The following EHMT2 variants were observed in gnomAD, a reference collection of about 807,000 sequenced individuals.
EHMT2 encodes euchromatic histone lysine methyltransferase 2, also known as histone-lysine N-methyltransferase EHMT2.
EHMT2 carries 59 observed loss-of-function variants against 143.3 expected under a neutral mutation model. The observed-to-expected ratio is 0.41, with a 90% confidence interval of 0.33 to 0.51. The LOEUF is 0.51. Among genes scored for constraint, EHMT2 ranks in the 20% least tolerant of loss-of-function variants. The pLI, the probability that EHMT2 is intolerant of heterozygous loss-of-function variation, is 0.18. For missense variants in EHMT2, 1,174 were observed against 1,645.9 expected (o/e 0.71, Z 4.96); for synonymous variants, 604 against 651.5 (o/e 0.93, Z 1.11).
In EHMT2 at chr6:31,883,991, G is replaced by C. The variant is rs71563386; in HGVS notation, c.2772-41C>G. The C allele has an allele frequency of 0.011, 17,400 of 1,605,182 alleles. 175 individuals are homozygous for C. The highest frequency in any genetic ancestry group is 0.04 in the South Asian group (3,625 of 90,622). Reference sequence around the variant, plus strand: ...AGAAGGGGCTGGGAAGCTGGAAAAGGGGGTGAGGAGCTACTCCAGGTATAA... The same window carrying C: ...AGAAGGGGCTGGGAAGCTGGAAAAGCGGGTGAGGAGCTACTCCAGGTATAA... On this transcript the variant is annotated intron_variant, in intron 21 of 27. Coordinates refer to ENST00000375537, the Ensembl canonical transcript of EHMT2. This position sits in a 1 kb window ranked among gnomAD's most constrained non-coding sequence, Gnocchi z 5.6.
In EHMT2 at chr6:31,884,080, A is replaced by C. The variant is rs952719785; in HGVS notation, c.2772-130T>G. On this transcript the variant is annotated intron_variant, in intron 21 of 27. Coordinates refer to ENST00000375537, the Ensembl canonical transcript of EHMT2. The surrounding 1 kb of genome is among the most constrained non-coding windows in gnomAD (Gnocchi z 7.3). ...GGAGTAAGGTTGCCAGGTAAGATGC[A>C]GGACAGCGAGTTAACATAGAATTTT... The C allele has an allele frequency of 6.9e-6, 7 of 1,015,242 alleles. No homozygotes were observed. The highest frequency in any genetic ancestry group is 9.8e-6 in the Non-Finnish European group (7 of 711,850). 62.9% of individuals were successfully genotyped at this position (1,015,242 alleles called of 1,614,324 possible).
chr6:31,894,109 G>A (rs1004916264), intron 4 of EHMT2, among the ~76,000 whole-genome samples: 1 of 151,448 alleles, frequency 6.6e-6, no homozygotes, highest in Non-Finnish European at 1.5e-5. Flanking sequence ...TGAGTAGCTG[G>A]AACTACAGGC....
rs373643981 is a variant in EHMT2 at position 31,883,783 on chromosome 6, G to A, written c.2916+23C>T. On this transcript the variant is annotated intron_variant, in intron 22 of 27. Transcript: ENST00000375537. The surrounding 1 kb of genome is among the most constrained non-coding windows in gnomAD (Gnocchi z 5.6). ...TGGCAGCTCTCGGTGTCCTTTTGGG[G>A]AGGCCCCGGGCCCCCTACTCACCTG... 5.0e-6 allele frequency: 8 copies of A among 1,610,202 alleles called. No individual in the cohort carries two copies. The African/African-American group carries it at 6.7e-5, about 13-fold the overall frequency.
intron 7 of EHMT2, among the ~76,000 whole-genome samples, chr6:31,890,973 G>A (rs903313638): frequency 9.3e-5 from 14 of 150,540 alleles, no homozygotes; most frequent in Admixed American, 3.3e-4. Context: ...ACGGAGTTTC[G>A]CTCTTGTTGC....
intron 1 of EHMT2, 26 bp from the exon 2 acceptor site, chr6:31,897,015 G>GGGCT: frequency 6.5e-7 from 1 of 1,548,006 alleles, no homozygotes; most frequent in Non-Finnish European, 8.7e-7. Context: ...AGGGACAGGA[G>GGGCT]GGCTGGTCAG....
In EHMT2 at chr6:31,883,820, T is replaced by C. The variant is rs755705706; in HGVS notation, c.2902A>G (p.Ile968Val). 1 of 1,613,920 alleles carries C rather than the reference T, an allele frequency of 6.2e-7. No individual in the cohort carries two copies. Among genetic ancestry groups the C allele is most frequent in the Non-Finnish European group, 8.5e-7 (1 of 1,179,932 alleles). The change falls in exon 22 of 28, where the codon ATC (isoleucine) becomes GTC (valine). Residue 968 changes from isoleucine (I) to valine (V), a missense_variant. Coordinates refer to ENST00000375537, the Ensembl canonical transcript of EHMT2. This position sits in a 1 kb window ranked among gnomAD's most constrained non-coding sequence, Gnocchi z 5.6. ...CCCCTACTCACCTGCAGGTGGGTGA[T>C]GTTGCGATCGATGTTCATGGTGGAC...
At chr6:31,887,365 G>A (rs903510093) in intron 15 of EHMT2, among the ~76,000 whole-genome samples, 1 of 152,192 alleles carries the variant, frequency 6.6e-6, no homozygotes, top group African/African-American at 2.4e-5. Context: ...TGCAAGCCAA[G>A]GCTAACAGGT....
chr6:31,889,609 G>T lies in EHMT2; in HGVS notation c.865-7C>A. ...TTAGAGCTTCAACTTCAGACTGGGA[G>T]AGAGGCAGAACAGACATATCCAACC... is the stretch of plus-strand genomic sequence containing the variant. On this transcript the variant is annotated splice_polypyrimidine_tract_variant and splice_region_variant and intron_variant, in intron 7 of 27. Transcript: ENST00000375537. This position sits in a 1 kb window ranked among gnomAD's most constrained non-coding sequence, Gnocchi z 5.1. The T allele has an allele frequency of 6.2e-7, 1 of 1,609,664 alleles. No homozygotes were observed. The highest frequency in any genetic ancestry group is 8.5e-7 in the Non-Finnish European group (1 of 1,179,976).
At position 31,883,632 on chromosome 6, in the gene EHMT2, C is replaced by A; in HGVS notation, c.2916+174G>T. 1 of 1,085,298 alleles carries A rather than the reference C, an allele frequency of 9.2e-7. No homozygotes were observed. The highest frequency in any genetic ancestry group is 1.5e-5 in the South Asian group (1 of 68,622). 67.2% of individuals were successfully genotyped at this position (1,085,298 alleles called of 1,614,324 possible). A position where few individuals can be genotyped will look rare whatever the true frequency, so the allele number is the denominator to read the frequency against. ...AGGGCTACTGGGAGCTCATATGATA[C>A]CTTGCTGTGACCTAGGAAAAGGATC... On this transcript the variant is annotated intron_variant, in intron 22 of 27. Coordinates refer to ENST00000375537, the Ensembl canonical transcript of EHMT2. The surrounding 1 kb of genome is among the most constrained non-coding windows in gnomAD (Gnocchi z 5.6).
In EHMT2 at chr6:31,880,610, G is replaced by C; in HGVS notation, c.3452+63C>G. Reference sequence around the variant, plus strand: ...GACACCAGGTACATGCCAGCCTTCAGGTCCCAGGTTTGCTGCATCTCCCAC... The same window carrying C: ...GACACCAGGTACATGCCAGCCTTCACGTCCCAGGTTTGCTGCATCTCCCAC... On this transcript the variant is annotated intron_variant, in intron 27 of 27. Coordinates refer to ENST00000375537, the Ensembl canonical transcript of EHMT2. This position sits in a 1 kb window ranked among gnomAD's most constrained non-coding sequence, Gnocchi z 6.6. 1 of 1,560,634 alleles carries C rather than the reference G, an allele frequency of 6.4e-7. No individual in the cohort carries two copies. The highest frequency in any genetic ancestry group is 2.2e-5 in the East Asian group (1 of 44,516).
chr6:31,892,379 C>T (rs611572), intron 7 of EHMT2, 28 bp downstream of exon 7: 111,706 of 1,604,126 alleles, frequency 0.07, 4,770 homozygotes, highest in South Asian at 0.12. Flanking sequence ...GGAGCACCGG[C>T]GGGGAGGGCA....
In EHMT2 at chr6:31,896,527, G is replaced by A. The variant is rs659445; in HGVS notation, c.329-11C>T. ...ACTTTGTGGCATGGCCTAGAAAACA[G>A]GCAAGCAAAAGGCAAGATAAGAAAG... is the stretch of plus-strand genomic sequence containing the variant. On this transcript the variant is annotated splice_polypyrimidine_tract_variant and intron_variant, in intron 3 of 27. Transcript: ENST00000375537. 0.7 allele frequency: 1,124,306 copies of A among 1,611,146 alleles called. 400,966 individuals are homozygous for A. The highest frequency in any genetic ancestry group is 0.91 in the Middle Eastern group (5,481 of 6,052).
At position 31,884,581 on chromosome 6, in the gene EHMT2, C is replaced by T. The variant is rs541280495; in HGVS notation, c.2604-22G>A. On this transcript the variant is annotated intron_variant, in intron 20 of 27. Transcript: ENST00000375537. This position sits in a 1 kb window ranked among gnomAD's most constrained non-coding sequence, Gnocchi z 7.3. ...TAACCTGAAGAGGGGACAGGATGCC[C>T]AATGCAGGGTCTGAGGCTGCAAGAA... 9.3e-6 allele frequency: 15 copies of T among 1,611,446 alleles called. No homozygotes were observed. Among genetic ancestry groups the T allele is most frequent in the African/African-American group, 4.0e-5 (3 of 74,810 alleles).
chr6:31,883,790 C>T lies in EHMT2; in HGVS notation c.2916+16G>A, dbSNP rs776806996. 1.4e-5 allele frequency: 23 copies of T among 1,612,102 alleles called. No individual in the cohort carries two copies. The East Asian group carries it at 3.6e-4, about 25-fold the overall frequency. On this transcript the variant is annotated intron_variant, in intron 22 of 27. Transcript: ENST00000375537. The surrounding 1 kb of genome is among the most constrained non-coding windows in gnomAD (Gnocchi z 5.6). The stretch of plus-strand genomic sequence containing the variant: ...TCTCGGTGTCCTTTTGGGGAGGCCC[C>T]GGGCCCCCTACTCACCTGCAGGTGG...
rs1763894166 is a variant in EHMT2, at chr6:31,880,054, C to T, written c.*30G>A. The T allele has an allele frequency of 1.3e-6, 2 of 1,597,284 alleles. No homozygotes were observed. The highest frequency in any genetic ancestry group is 1.7e-6 in the Non-Finnish European group (2 of 1,168,966). On this transcript the variant is annotated 3_prime_UTR_variant, in exon 28 of 28. Coordinates refer to ENST00000375537, the Ensembl canonical transcript of EHMT2. This position sits in a 1 kb window ranked among gnomAD's most constrained non-coding sequence, Gnocchi z 6.6. ...AGGAGGCGGCTGAGCTGTGGCCATCCATGCTGGGGAGAGAGGGTGTGGTCC... is the reference window on the plus strand; with the variant it reads ...AGGAGGCGGCTGAGCTGTGGCCATCTATGCTGGGGAGAGAGGGTGTGGTCC...
chr6:31,896,440 TGTCATTGACATCTTG>T, exon 4 of EHMT2: 1 of 1,613,066 alleles, frequency 6.2e-7, no homozygotes, highest in Non-Finnish European at 8.5e-7. Context: ...TTCCCGCCCC[TGTCATTGACATCTTG>T]GCCCGGCTAG....
Position 31,880,558 on chromosome 6 carries a change from GAGA to G in EHMT2, c.3452+112_3452+114del. 8.7e-7 allele frequency: 1 copy of G among 1,143,780 alleles called. No individual in the cohort carries two copies. Among genetic ancestry groups the G allele is most frequent in the Non-Finnish European group, 1.2e-6 (1 of 802,764 alleles). The allele number at this position is 1,143,780 out of a possible 1,614,324, so 70.9% of individuals were successfully genotyped here. On this transcript the variant is annotated intron_variant, in intron 27 of 27. Coordinates refer to ENST00000375537, the Ensembl canonical transcript of EHMT2. The surrounding 1 kb of genome is among the most constrained non-coding windows in gnomAD (Gnocchi z 6.6). ...GAAATACTTATGTACACTGAAATCT[GAGA>G]AGCTCTGCACTACTCCATGCCTGGA...
chr6:31,887,623 G>A, exon 15 of EHMT2: 1 of 1,613,038 alleles, frequency 6.2e-7, no homozygotes. Flanking sequence ...TCACGGACAG[G>A]TACAACTGCC....
rs913253097 is a variant in EHMT2 at position 31,880,358 on chromosome 6, C to G, written c.3453-94G>C. The G allele has an allele frequency of 2.2e-6, 3 of 1,391,410 alleles. No individual in the cohort carries two copies. In the African/African-American group the frequency reaches 4.3e-5, roughly 20 times the overall value. The allele number at this position is 1,391,410 out of a possible 1,614,324, so 86.2% of individuals were successfully genotyped here. A position where few individuals can be genotyped will look rare whatever the true frequency, so the allele number is the denominator to read the frequency against. On this transcript the variant is annotated intron_variant, in intron 27 of 27. Coordinates refer to ENST00000375537, the Ensembl canonical transcript of EHMT2. The surrounding 1 kb of genome is among the most constrained non-coding windows in gnomAD (Gnocchi z 6.6). The stretch of plus-strand genomic sequence containing the variant: ...TGGATCCTGCTCCCTGAGAGGGACC[C>G]GACACCCAACCTATCTTCTCCAGAT...
Sources: allele counts gnomAD v4.1 joint callset (sites outside exome capture counted in the v4.1 genomes callset), GRCh38; gene constraint gnomAD v4.1.1; non-coding constraint Gnocchi (gnomAD v3.1); transcripts MANE v1.5; gene names NCBI Gene and HGNC (gene_info 2026-07-23, HGNC 2026-07-21).